Variants in FAM171A2 observed in about 807,000 individuals in gnomAD.
FAM171A2 encodes protein FAM171A2.
FAM171A2 carries 13 observed loss-of-function variants against 34.2 expected under a neutral mutation model. That is an observed-to-expected ratio of 0.38 (90% CI 0.25 to 0.60). The LOEUF (loss-of-function observed/expected upper bound fraction) is 0.60. Ranked by LOEUF, FAM171A2 falls within the 20% of genes least tolerant of loss-of-function variation. The pLI, the probability that FAM171A2 is intolerant of heterozygous loss-of-function variation, is 0.62. For missense variants in FAM171A2, 950 were observed against 1,180.7 expected, an observed-to-expected ratio of 0.80 and a Z score of 2.86; for synonymous variants, 475 against 561.2, an observed-to-expected ratio of 0.85 and a Z score of 2.17.
At position 44,363,601 on chromosome 17, in the gene FAM171A2, C is replaced by G. The variant is rs1379714873; in HGVS notation, c.114G>C (p.Pro38=). 4.9e-6 allele frequency: 6 copies of G among 1,226,784 alleles called. No individual in the cohort carries two copies. Among genetic ancestry groups the G allele is most frequent in the Non-Finnish European group, 6.1e-6 (6 of 983,532 alleles). 76.0% of individuals were successfully genotyped at this position (1,226,784 alleles called of 1,614,324 possible). ...CCCCTCCCGGCTGAGACTCACCCTGCGGGCTGGGGGGCTCCGGCGGCGACT... is the reference window on the plus strand; with the variant it reads ...CCCCTCCCGGCTGAGACTCACCCTGGGGGCTGGGGGGCTCCGGCGGCGACT... The part of the protein sequence containing the change: ...PGKSPPEPPS[P]QEILIKVQVY... The change falls in exon 1 of 8, where the codon CCG becomes CCC. Residue 38 remains proline (P), a synonymous_variant. Coordinates refer to ENST00000293443, the MANE Select transcript of FAM171A2 (RefSeq NM_198475.3).
rs2048457335 is a variant in FAM171A2, at chr17:44,363,603, G to T, written c.112C>A (p.Pro38Thr). ...CCTCCCGGCTGAGACTCACCCTGCGGGCTGGGGGGCTCCGGCGGCGACTTG... is the reference window on the plus strand; with the variant it reads ...CCTCCCGGCTGAGACTCACCCTGCGTGCTGGGGGGCTCCGGCGGCGACTTG... The part of the protein sequence containing the change: ...PGKSPPEPPS[P>T]QEILIKVQVY... Residue 38 changes from proline (P) to threonine (T), a missense_variant, in exon 1 of 8, where the codon CCG becomes ACG. By Grantham distance (38) the Pro-to-Thr change is conservative. Around this residue, in one of 3 missense-constraint regions of FAM171A2, gnomAD observed 752 missense variants for 924.5 expected, o/e 0.81. Transcript: ENST00000293443. 1 of 1,228,192 alleles carries T rather than the reference G, an allele frequency of 8.1e-7. No homozygotes were observed. Among genetic ancestry groups the T allele is most frequent in the South Asian group, 4.0e-5 (1 of 25,082 alleles). 76.1% of individuals were successfully genotyped at this position (1,228,192 alleles called of 1,614,324 possible).
rs1307186495 is a variant in FAM171A2, at chr17:44,359,979, G to T, written c.272C>A (p.Thr91Asn). Reference protein sequence around the residue: ...ATLPLSYRLGTWVLVTAARPG... With the variant: ...ATLPLSYRLGNWVLVTAARPG... ...GCGGGCAGCAGTGACCAGCACCCAG[G>T]TGCCCAAGCGATAACTGAGGGGCAG... The change falls in exon 2 of 8, where the codon ACC (threonine) becomes AAC (asparagine). Residue 91 changes from threonine to asparagine, a missense_variant. Physicochemically the swap from Thr to Asn is moderately conservative, Grantham distance 65 (BLOSUM62 0). Transcript: ENST00000293443. 3.2e-6 allele frequency: 5 copies of T among 1,551,600 alleles called. No homozygotes were observed. Among genetic ancestry groups the T allele is most frequent in the Non-Finnish European group, 3.5e-6 (4 of 1,146,990 alleles).
At chr17:44,357,998 G>A (rs896484344) in intron 3 of FAM171A2, among the ~76,000 whole-genome samples, 3 of 152,196 alleles carry the variant, frequency 2.0e-5, no homozygotes, top group Admixed American at 1.3e-4. Flanking sequence ...CCGGATAGAA[G>A]CCCAGGCCAT....
intron 3 of FAM171A2, among the ~76,000 whole-genome samples, chr17:44,358,218 G>A (rs2048433471): frequency 2.0e-5 from 3 of 152,220 alleles, no homozygotes; most frequent in South Asian, 2.1e-4. Flanking sequence ...GGGGCAGAGG[G>A]CGGCCCGGGC....
rs1431628987 is a variant in FAM171A2 at position 44,353,217 on chromosome 17, A to C, written c.*516T>G. On this transcript the variant is annotated 3_prime_UTR_variant, in exon 8 of 8. Coordinates refer to ENST00000293443, the MANE Select transcript of FAM171A2 (RefSeq NM_198475.3). ...CCCACAGAAAGACATACACAGCCTT[A>C]ACCTCACCAGTTTTATATTTGCTGC... 3.1e-6 allele frequency: 1 copy of C among 327,060 alleles called. No homozygotes were observed. Among genetic ancestry groups the C allele is most frequent in the Non-Finnish European group, 5.8e-6 (1 of 171,804 alleles). The allele number at this position is 327,060 out of a possible 1,614,324, so 20.3% of individuals were successfully genotyped here. A position where few individuals can be genotyped will look rare whatever the true frequency, so the allele number is the denominator to read the frequency against.
Position 44,356,215 on chromosome 17 carries a change from C to T in FAM171A2, c.736G>A (p.Val246Met), listed in dbSNP as rs778010696. Residue 246 changes from valine to methionine, a missense_variant, in exon 5 of 8, where the codon GTG becomes ATG. By Grantham distance (21) the Val-to-Met change is conservative. Coordinates refer to ENST00000293443, the MANE Select transcript of FAM171A2 (RefSeq NM_198475.3). ...PVPSETRALT[V>M]GTSIPAWRFD... ...CTCCAGGCTGGAATGCTGGTGCCCACGGTGAGGGCACGAGTCTCGGAGGGC... is the reference window on the plus strand; with the variant it reads ...CTCCAGGCTGGAATGCTGGTGCCCATGGTGAGGGCACGAGTCTCGGAGGGC... The T allele has an allele frequency of 5.8e-6, 9 of 1,550,540 alleles. No individual in the cohort carries two copies. The South Asian group carries it at 9.5e-5, about 16-fold the overall frequency.
intron 5 of FAM171A2, 35 bp downstream of exon 5, chr17:44,356,138 C>T (rs2048422223): frequency 1.3e-6 from 2 of 1,525,406 alleles, no homozygotes; most frequent in South Asian, 1.2e-5. Flanking sequence ...TTTCTTCTCT[C>T]AACTCAAGCA....
Position 44,353,923 on chromosome 17 carries a change from G to C in FAM171A2, c.2291C>G (p.Ala764Gly), listed in dbSNP as rs1359661319. The change falls in exon 8 of 8, where the codon GCC becomes GGC. Residue 764 changes from alanine to glycine, a missense_variant. Ala to Gly is a moderately conservative substitution (Grantham distance 60). Around this residue, in one of 3 missense-constraint regions of FAM171A2, gnomAD observed 191 missense variants for 222.8 expected, o/e 0.86. Coordinates refer to ENST00000293443, the MANE Select transcript of FAM171A2 (RefSeq NM_198475.3). ...GCGGCCCCGCCCCCGGGGTACCGTG[G>C]CCGCCCGGCCCTCGGGCGCCGCCAC... ...DEVAAPEGRA[A>G]TVPRGRGRSR... The C allele has an allele frequency of 1.5e-6, 2 of 1,296,286 alleles. No individual in the cohort carries two copies. The highest frequency in any genetic ancestry group is 1.9e-6 in the Non-Finnish European group (2 of 1,028,252). The allele number at this position is 1,296,286 out of a possible 1,614,324, so 80.3% of individuals were successfully genotyped here.
In FAM171A2 at chr17:44,361,423, CTG is replaced by C. The variant is rs771586488; in HGVS notation, c.119-1293_119-1292del. 1.7e-3 allele frequency among the ~76,000 whole-genome samples: 264 copies of C among 152,246 alleles called. 1 individual carries two copies. Among genetic ancestry groups the C allele is most frequent in the Non-Finnish European group, 2.5e-3 (170 of 68,010 alleles). On this transcript the variant is annotated intron_variant, in intron 1 of 7. Transcript: ENST00000293443. Reference sequence around the variant, plus strand: ...GGGGGTTGGGTATGGAAGGAAGAGTCTGGAGCTGAGAGCAGCAGGGCCTGGGG... The same window carrying C: ...GGGGGTTGGGTATGGAAGGAAGAGTCGAGCTGAGAGCAGCAGGGCCTGGGG...
Position 44,355,247 on chromosome 17 carries a change from C to T in FAM171A2, c.1023-56G>A. 1 of 1,533,502 alleles carries T rather than the reference C, an allele frequency of 6.5e-7. No individual in the cohort carries two copies. The highest frequency in any genetic ancestry group is 1.4e-5 in the African/African-American group (1 of 72,244). 95.0% of individuals were successfully genotyped at this position (1,533,502 alleles called of 1,614,324 possible). On this transcript the variant is annotated intron_variant, in intron 7 of 7. Coordinates refer to ENST00000293443, the MANE Select transcript of FAM171A2 (RefSeq NM_198475.3). This position sits in a 1 kb window ranked among gnomAD's most constrained non-coding sequence, Gnocchi z 4.1. ...AGGAAAGGGTGAGGGCCAAAGTAGG[C>T]CCCGAACCCCCTTAGATGCAAGACA...
In FAM171A2 at chr17:44,355,008, G is replaced by C. The variant is rs1182939838; in HGVS notation, c.1206C>G (p.Phe402Leu). 1 of 1,512,814 alleles carries C rather than the reference G, an allele frequency of 6.6e-7. No individual in the cohort carries two copies. The highest frequency in any genetic ancestry group is 8.8e-7 in the Non-Finnish European group (1 of 1,131,186). 93.7% of individuals were successfully genotyped at this position (1,512,814 alleles called of 1,614,324 possible). Residue 402 changes from phenylalanine to leucine, a missense_variant, in exon 8 of 8, where the codon TTC (phenylalanine) becomes TTG (leucine). Physicochemically the swap from Phe to Leu is conservative, Grantham distance 22. Around this residue, in one of 3 missense-constraint regions of FAM171A2, gnomAD observed 752 missense variants for 924.5 expected, o/e 0.81. Coordinates refer to ENST00000293443, the MANE Select transcript of FAM171A2 (RefSeq NM_198475.3). This position sits in a 1 kb window ranked among gnomAD's most constrained non-coding sequence, Gnocchi z 4.1. Reference sequence around the variant, plus strand: ...AGGAGGCCAAGTCCCGGGAGCTGGAGAAGGCCGAGTGGAGGGGGCCTGGAG... The same window carrying C: ...AGGAGGCCAAGTCCCGGGAGCTGGACAAGGCCGAGTGGAGGGGGCCTGGAG... Reference protein sequence around the residue: ...APPPGPLHSAFSSSRDLASSR... With the variant: ...APPPGPLHSALSSSRDLASSR...
intron 3 of FAM171A2, among the ~76,000 whole-genome samples, chr17:44,357,562 G>A (rs1319851468): frequency 2.0e-5 from 3 of 151,956 alleles, no homozygotes; most frequent in Non-Finnish European, 4.4e-5. Flanking sequence ...CAGGAGAATC[G>A]CTTGAACCCA....
In FAM171A2 at chr17:44,353,924, C is replaced by T. The variant is rs1464415144; in HGVS notation, c.2290G>A (p.Ala764Thr). The T allele has an allele frequency of 5.4e-6, 7 of 1,295,894 alleles. No individual in the cohort carries two copies. Among genetic ancestry groups the T allele is most frequent in the Non-Finnish European group, 6.8e-6 (7 of 1,028,026 alleles). 80.3% of individuals were successfully genotyped at this position (1,295,894 alleles called of 1,614,324 possible). A position where few individuals can be genotyped will look rare whatever the true frequency, so the allele number is the denominator to read the frequency against. ...CGGCCCCGCCCCCGGGGTACCGTGGCCGCCCGGCCCTCGGGCGCCGCCACC... is the reference window on the plus strand; with the variant it reads ...CGGCCCCGCCCCCGGGGTACCGTGGTCGCCCGGCCCTCGGGCGCCGCCACC... ...DEVAAPEGRA[A>T]TVPRGRGRSR... The change falls in exon 8 of 8, where the codon GCC becomes ACC. Residue 764 changes from alanine (A) to threonine (T), a missense_variant. Ala to Thr is a moderately conservative substitution (Grantham distance 58, BLOSUM62 0). Transcript: ENST00000293443.
intron 1 of FAM171A2, among the ~76,000 whole-genome samples, chr17:44,360,564 C>T (rs989736724): frequency 2.6e-5 from 4 of 152,170 alleles, no homozygotes; most frequent in African/African-American, 9.7e-5. Context: ...GATACTTGGA[C>T]TACAGCTAAG....
At chr17:44,357,760 G>GT (rs1555611977) in intron 3 of FAM171A2, among the ~76,000 whole-genome samples, 1 of 63,192 alleles carries the variant, frequency 1.6e-5, no homozygotes. Context: ...TGTGTGTGTT[G>GT]GGGTGGAGGG....
rs1251062045 is a variant in FAM171A2 at position 44,355,869 on chromosome 17, G to A, written c.896-28C>T. ...GTGCCAGGCGAGGGCTTAGCGTTCAGGTGTAGACACCCTTCCTGCCTTTCA... is the reference window on the plus strand; with the variant it reads ...GTGCCAGGCGAGGGCTTAGCGTTCAAGTGTAGACACCCTTCCTGCCTTTCA... On this transcript the variant is annotated intron_variant, in intron 6 of 7. Coordinates refer to ENST00000293443, the MANE Select transcript of FAM171A2 (RefSeq NM_198475.3). The surrounding 1 kb of genome is among the most constrained non-coding windows in gnomAD (Gnocchi z 4.1). The A allele has an allele frequency of 6.4e-7, 1 of 1,551,230 alleles. No homozygotes were observed. The highest frequency in any genetic ancestry group is 1.2e-5 in the South Asian group (1 of 84,052).
intron 1 of FAM171A2, among the ~76,000 whole-genome samples, chr17:44,361,173 C>T (rs1247620158): frequency 6.6e-6 from 1 of 152,226 alleles, no homozygotes; most frequent in African/African-American, 2.4e-5. Flanking sequence ...GTCCTGCCCT[C>T]AGATGGCGTG....
chr17:44,362,709 C>G (rs906203792), intron 1 of FAM171A2, among the ~76,000 whole-genome samples: 11 of 152,180 alleles, frequency 7.2e-5, no homozygotes, highest in South Asian at 2.1e-4. Context: ...CTCACACACC[C>G]ACCTGCGCCC....
chr17:44,359,372 C>G (rs1453726400), intron 3 of FAM171A2: 1 of 595,928 alleles, frequency 1.7e-6, no homozygotes, highest in Admixed American at 2.9e-5. Flanking sequence ...TGAACACCTT[C>G]TGTACTGTGT....
Sources: gnomAD v4.1 joint callset for allele counts (sites outside exome capture counted in the v4.1 genomes callset) on GRCh38, gnomAD v4.1.1 for gene constraint, gnomAD v4.1.1 regional missense constraint, Gnocchi (gnomAD v3.1) non-coding constraint, MANE v1.5 for transcripts, NCBI Gene and HGNC (gene_info 2026-07-23, HGNC 2026-07-21) for gene names.